FRMPD4: variants seen among roughly 807,000 people sequenced by gnomAD.
FRMPD4 encodes the protein FERM and PDZ domain containing 4.
A neutral mutation model predicts 94.1 loss-of-function variants in FRMPD4; 22 were observed. That is an observed-to-expected ratio of 0.23 (90% CI 0.17 to 0.33). FRMPD4 has a LOEUF of 0.33. Among genes scored for constraint, FRMPD4 ranks in the 10% least tolerant of loss-of-function variants. FRMPD4 has a pLI of 1.00. For synonymous variants in FRMPD4, 631 were observed against 548.6 expected (o/e 1.15, Z -2.10); for missense variants, 1,111 against 1,339.9 (o/e 0.83, Z 2.67).
At chrX:12,669,562 T>C (rs773116743) in intron 4 of FRMPD4, among the ~76,000 whole-genome samples, 3 of 112,372 alleles carry the variant, frequency 2.7e-5, no homozygotes, top group Non-Finnish European at 3.8e-5. Context: ...GTCGGCAGAA[T>C]AATGATCGCC....
chrX:12,406,417 T>A (rs2056667309), intron 1 of FRMPD4, among the ~76,000 whole-genome samples: 1 of 111,977 alleles, frequency 8.9e-6, no homozygotes, highest in African/African-American at 3.2e-5. Context: ...AAAAATTGGC[T>A]TTTCGATGTT....
rs181745734 is a variant in FRMPD4 at position 12,712,237 on chromosome X, G to A, written c.1609+1700G>A. Among the ~76,000 whole-genome samples the A allele has an allele frequency of 4.0e-3, 442 of 109,860 alleles. 2 individuals are homozygous for A. The highest frequency in any genetic ancestry group is 0.014 in the African/African-American group (425 of 30,217). ...AGCAGTGAAAAAAAAAAAAACAGAGGCAGAAAGAACCCAGAATGAAAGAGA... is the reference window on the plus strand; with the variant it reads ...AGCAGTGAAAAAAAAAAAAACAGAGACAGAAAGAACCCAGAATGAAAGAGA... On this transcript the variant is annotated intron_variant, in intron 14 of 16. Transcript: ENST00000675598.
intron 2 of FRMPD4, among the ~76,000 whole-genome samples, chrX:12,523,064 T>A (rs1258180427): frequency 8.9e-6 from 1 of 112,299 alleles, no homozygotes; most frequent in African/African-American, 3.2e-5. Flanking sequence ...CTCCAGGGAC[T>A]TTGTTGTTGT....
At chrX:12,612,830 T>C (rs2059196093) in intron 3 of FRMPD4, among the ~76,000 whole-genome samples, 2 of 112,076 alleles carry the variant, frequency 1.8e-5, no homozygotes, top group African/African-American at 6.5e-5. Context: ...TCCCAAGTGG[T>C]TTTTCTGAGT....
intron 3 of FRMPD4, among the ~76,000 whole-genome samples, chrX:11,913,149 G>C (rs143322374): frequency 0.022 from 2,479 of 112,081 alleles, 30 homozygotes; most frequent in African/African-American, 0.042. Context: ...GCATTTCAGG[G>C]AGAGCCAGAT....
intron 3 of FRMPD4, among the ~76,000 whole-genome samples, chrX:12,012,733 G>T (rs1052253148): frequency 2.7e-5 from 3 of 112,385 alleles, no homozygotes; most frequent in African/African-American, 9.7e-5. Context: ...CTTGGGAGAA[G>T]AACTATATAA....
intron 2 of FRMPD4, among the ~76,000 whole-genome samples, chrX:11,873,406 TTA>T (rs2053765585): frequency 9.0e-6 from 1 of 111,213 alleles, no homozygotes; most frequent in Non-Finnish European, 1.9e-5. Context: ...TCTGTACAAG[TTA>T]TATAGTGATG....
At position 12,717,495 on chromosome X, in the gene FRMPD4, A is replaced by T. The variant is rs774051300; in HGVS notation, c.2675-6A>T. On this transcript the variant is annotated splice_region_variant and splice_polypyrimidine_tract_variant and intron_variant, in intron 15 of 16. Transcript: ENST00000675598. ...TTAATCAGTTCTTGTTTTTTACGGCATGCAGGTGTAGCCATCTTGCGGGCT... is the reference window on the plus strand; with the variant it reads ...TTAATCAGTTCTTGTTTTTTACGGCTTGCAGGTGTAGCCATCTTGCGGGCT... The T allele has an allele frequency of 2.6e-6, 3 of 1,155,725 alleles. No individual in the cohort carries two copies. The highest frequency in any genetic ancestry group is 3.5e-6 in the Non-Finnish European group (3 of 847,795).
At chrX:12,252,506 G>A (rs186055449) in intron 1 of FRMPD4, among the ~76,000 whole-genome samples, 35 of 112,004 alleles carry the variant, frequency 3.1e-4, no homozygotes, top group African/African-American at 1.6e-4. Flanking sequence ...GCTTCATTTC[G>A]AATGATTCCA....
intron 1 of FRMPD4, among the ~76,000 whole-genome samples, chrX:12,415,715 A>T (rs1351805729): frequency 8.9e-6 from 1 of 112,082 alleles, no homozygotes; most frequent in Non-Finnish European, 1.9e-5. Flanking sequence ...TACATGATAT[A>T]TCCAGAGTCT....
At chrX:12,665,623 T>C (rs1029100521) in intron 4 of FRMPD4, among the ~76,000 whole-genome samples, 7 of 111,873 alleles carry the variant, frequency 6.3e-5, no homozygotes, top group Non-Finnish European at 9.4e-5. Flanking sequence ...GGGGCCAATA[T>C]TCAACATTCT....
intron 3 of FRMPD4, among the ~76,000 whole-genome samples, chrX:12,015,995 T>A (rs2054602922): frequency 1.8e-5 from 2 of 112,613 alleles, no homozygotes; most frequent in Admixed American, 1.9e-4. Context: ...CCATTTTCTT[T>A]TCAGAGTTTC....
intron 1 of FRMPD4, among the ~76,000 whole-genome samples, chrX:12,274,164 C>T (rs1470221273): frequency 4.6e-5 from 5 of 109,813 alleles, no homozygotes; most frequent in Non-Finnish European, 9.5e-5. Context: ...AAGAAATAGA[C>T]TTAGGTATCT....
chrX:12,135,884 C>T (rs2055591759), upstream of FRMPD4, among the ~76,000 whole-genome samples: 1 of 111,805 alleles, frequency 8.9e-6, no homozygotes, highest in South Asian at 3.8e-4. Context: ...CTGTTTTATC[C>T]CCTTTTCCCA....
rs1009687534 is a variant in FRMPD4 at position 12,051,299 on chromosome X, A to G, written c.95+173281A>G. Among the ~76,000 whole-genome samples, 4 of 111,551 alleles carry G rather than the reference A, an allele frequency of 3.6e-5. No homozygotes were observed. The South Asian group carries it at 1.5e-3, about 42-fold the overall frequency. The stretch of plus-strand genomic sequence containing the variant: ...AGTACATAAGTATTTTTAATCATAA[A>G]TGTTTTACTTTTTTGGGTATCCAAG... On this transcript the variant is annotated intron_variant, in intron 3 of 18. Coordinates refer to the FRMPD4 transcript ENST00000640291.
In FRMPD4 at chrX:11,830,905, G is replaced by A. The variant is rs371342678; in HGVS notation, c.-161+8190G>A. 2.2e-4 allele frequency among the ~76,000 whole-genome samples: 24 copies of A among 111,381 alleles called. 2 individuals are homozygous for A. The highest frequency in any genetic ancestry group is 1.5e-3 in the Admixed American group (16 of 10,376). Reference sequence around the variant, plus strand: ...TTTATTTTTTATGGGATAATTTTGAGCAAAAGTCTTGCCTTATATTTGGCT... The same window carrying A: ...TTTATTTTTTATGGGATAATTTTGAACAAAAGTCTTGCCTTATATTTGGCT... On this transcript the variant is annotated intron_variant, in intron 1 of 18. Transcript: ENST00000640291.
At chrX:12,076,241 A>G (rs1459705988) in intron 3 of FRMPD4, among the ~76,000 whole-genome samples, 1 of 110,553 alleles carries the variant, frequency 9.0e-6, no homozygotes, top group Non-Finnish European at 1.9e-5. Context: ...AGTAGCGCCA[A>G]CTGGTGTTTC....
chrX:11,967,300 C>T (rs757126462), intron 3 of FRMPD4, among the ~76,000 whole-genome samples: 7 of 111,305 alleles, frequency 6.3e-5, no homozygotes, highest in Admixed American at 9.5e-5. Flanking sequence ...GACTTCCTTC[C>T]GCTAATGATC....
In FRMPD4 at chrX:12,722,796, G is replaced by A. The variant is rs892538494; in HGVS notation, c.*938G>A. On this transcript the variant is annotated 3_prime_UTR_variant, in exon 17 of 17. Coordinates refer to ENST00000675598, the MANE Select transcript of FRMPD4 (RefSeq NM_001368397.1). ...TGATAGGACATTTAGTAAAGTATTT[G>A]CAAACTTAAAAAAAGGAACATTTAA... 1 of 111,455 alleles carries A rather than the reference G, an allele frequency of 9.0e-6. No homozygotes were observed. Among genetic ancestry groups the A allele is most frequent in the East Asian group, 2.8e-4 (1 of 3,590 alleles). The allele number at this position is 111,455 out of a possible 1,213,427, so 9.2% of individuals were successfully genotyped here. A position where few individuals can be genotyped will look rare whatever the true frequency, so the allele number is the denominator to read the frequency against.
Sources: allele counts gnomAD v4.1 joint callset (sites outside exome capture counted in the v4.1 genomes callset), GRCh38; gene constraint gnomAD v4.1.1; transcripts MANE v1.5; gene names NCBI Gene and HGNC (gene_info 2026-07-23, HGNC 2026-07-21).